The following FHIT variants were observed in gnomAD, a reference collection of about 807,000 sequenced individuals.
The protein encoded by FHIT is bis(5'-adenosyl)-triphosphatase.
Under a neutral mutation model 17.9 loss-of-function variants are expected in FHIT, and 19 were observed. That is an observed-to-expected ratio of 1.06 (90% CI 0.74 to 1.56). The LOEUF is 1.56. Ranked by LOEUF, FHIT falls within the 40% of genes most tolerant of loss-of-function variation. The pLI is 0.00. For missense variants in FHIT, 248 were observed against 189.2 expected (o/e 1.31, Z -1.82); for synonymous variants, 81 against 69.7 (o/e 1.16, Z -0.81).
intron 1 of FHIT, among the ~76,000 whole-genome samples, chr3:61,237,900 G>A (rs1026757636): frequency 1.8e-4 from 27 of 152,210 alleles, no homozygotes; most frequent in Non-Finnish European, 3.1e-4. Flanking sequence ...TCTCTCAAGG[G>A]TCCCTCTGTG....
rs142740504 is a variant in FHIT, at chr3:59,861,382, A to T, written c.348+60964T>A. 5.9e-5 allele frequency among the ~76,000 whole-genome samples: 9 copies of T among 152,306 alleles called. No homozygotes were observed. The East Asian group carries it at 1.7e-3, about 29-fold the overall frequency. On this transcript the variant is annotated intron_variant, in intron 8 of 9. Transcript: ENST00000492590. ...CTCAAGGCCAAACCCACTGGGGCCA[A>T]ACTCACACAGAAACATTTATTTTCA...
intron 4 of FHIT, among the ~76,000 whole-genome samples, chr3:60,770,535 G>A (rs1559708970): frequency 6.6e-6 from 1 of 152,186 alleles, no homozygotes; most frequent in Non-Finnish European, 1.5e-5. Context: ...AACAGGCTAT[G>A]TGTGGACATT....
intron 4 of FHIT, among the ~76,000 whole-genome samples, chr3:60,720,189 T>C (rs1393156272): frequency 6.6e-6 from 1 of 152,126 alleles, no homozygotes; most frequent in African/African-American, 2.4e-5. Flanking sequence ...TCCTTCCCGA[T>C]ACAGAATATT....
intron 2 of FHIT, among the ~76,000 whole-genome samples, chr3:61,134,059 A>G (rs965393622): frequency 1.4e-5 from 2 of 146,346 alleles, no homozygotes; most frequent in African/African-American, 5.1e-5. Flanking sequence ...ACTGCACTCC[A>G]GCCTGGGCGA....
At chr3:60,229,851 G>A (rs1026059509) in intron 5 of FHIT, among the ~76,000 whole-genome samples, 7 of 152,238 alleles carry the variant, frequency 4.6e-5, no homozygotes, top group Non-Finnish European at 8.8e-5. Flanking sequence ...GCATGGTGAT[G>A]CACGCCTATA....
intron 5 of FHIT, among the ~76,000 whole-genome samples, chr3:60,051,898 C>A (rs895816114): frequency 2.0e-5 from 3 of 152,152 alleles, no homozygotes; most frequent in African/African-American, 4.8e-5. Flanking sequence ...TACTGACCCA[C>A]TCTGTGAAAC....
intron 2 of FHIT, among the ~76,000 whole-genome samples, chr3:61,084,538 C>T (rs760106142): frequency 6.6e-6 from 1 of 152,146 alleles, no homozygotes; most frequent in South Asian, 2.1e-4. Context: ...TATATTAGGT[C>T]ATCTTTAATT....
At position 59,914,349 on chromosome 3, in the gene FHIT, T is replaced by A. The variant is rs556371357; in HGVS notation, c.348+7997A>T. Among the ~76,000 whole-genome samples the A allele has an allele frequency of 6.6e-5, 10 of 152,208 alleles. No homozygotes were observed. In the South Asian group the frequency reaches 2.1e-3, roughly 32 times the overall value. Reference sequence around the variant, plus strand: ...CCGCAGTGACAAAAATATAACCACATTTGAACACTCAAGCCGGGATTCTAA... The same window carrying A: ...CCGCAGTGACAAAAATATAACCACAATTGAACACTCAAGCCGGGATTCTAA... On this transcript the variant is annotated intron_variant, in intron 8 of 9. Coordinates refer to ENST00000492590, the MANE Select transcript of FHIT (RefSeq NM_002012.4).
intron 5 of FHIT, among the ~76,000 whole-genome samples, chr3:60,215,770 A>C (rs528167990): frequency 3.3e-5 from 5 of 152,190 alleles, no homozygotes; most frequent in African/African-American, 1.2e-4. Context: ...CTTATTCTAC[A>C]TAATTACTCT....
At chr3:61,123,554 A>G (rs1560000387) in intron 2 of FHIT, among the ~76,000 whole-genome samples, 2 of 84,360 alleles carry the variant, frequency 2.4e-5, no homozygotes, top group Non-Finnish European at 2.4e-5. Context: ...AATTGTATTA[A>G]GTGATAAGAT....
intron 4 of FHIT, among the ~76,000 whole-genome samples, chr3:60,770,731 T>C (rs968005531): frequency 6.6e-6 from 1 of 152,232 alleles, no homozygotes; most frequent in Admixed American, 6.5e-5. Context: ...GTCAACAGCA[T>C]GTCAATGGCT....
At chr3:60,843,949 T>A (rs1553745759) in intron 3 of FHIT, among the ~76,000 whole-genome samples, 2 of 152,150 alleles carry the variant, frequency 1.3e-5, no homozygotes, top group Non-Finnish European at 2.9e-5. Flanking sequence ...CAAGCACGCA[T>A]GTATGTATTT....
At chr3:61,095,320 A>G (rs1451497088) in intron 2 of FHIT, among the ~76,000 whole-genome samples, 1 of 152,106 alleles carries the variant, frequency 6.6e-6, no homozygotes, top group South Asian at 2.1e-4. Context: ...CCTCTGACAC[A>G]TTTCCCAGGG....
chr3:60,460,099 C>T (rs964360976), intron 5 of FHIT, among the ~76,000 whole-genome samples: 10 of 152,220 alleles, frequency 6.6e-5, no homozygotes, highest in Non-Finnish European at 1.3e-4. Flanking sequence ...TCGTAACTGG[C>T]ATATTCACAT....
At chr3:61,044,213 A>G (rs936849940) in intron 2 of FHIT, among the ~76,000 whole-genome samples, 9 of 152,208 alleles carry the variant, frequency 5.9e-5, no homozygotes, top group African/African-American at 2.2e-4. Flanking sequence ...CGAACCCATC[A>G]CAAAGAAGCT....
At chr3:60,545,106 T>A (rs1188396086) in intron 4 of FHIT, among the ~76,000 whole-genome samples, 1 of 151,914 alleles carries the variant, frequency 6.6e-6, no homozygotes, top group Non-Finnish European at 1.5e-5. Context: ...AAAGATTTTT[T>A]TTTTCTTGTA....
At chr3:60,690,793 C>G (rs186272645) in intron 4 of FHIT, 90 of 342,316 alleles carry the variant, frequency 2.6e-4, no homozygotes, top group African/African-American at 1.9e-3. Context: ...ACTTCAATTT[C>G]TCTCTCAGTT....
chr3:60,429,489 G>C (rs757784385), intron 5 of FHIT, among the ~76,000 whole-genome samples: 2 of 151,996 alleles, frequency 1.3e-5, no homozygotes, highest in African/African-American at 2.4e-5. Flanking sequence ...ACCCATGAGG[G>C]ATGGGAAAAC....
rs547283927 is a variant in FHIT at position 61,074,496 on chromosome 3, A to C, written c.-163-32397T>G. Among the ~76,000 whole-genome samples, 39 of 152,196 alleles carry C rather than the reference A, an allele frequency of 2.6e-4. 1 individual carries two copies. The highest frequency in any genetic ancestry group is 8.9e-4 in the African/African-American group (37 of 41,536). On this transcript the variant is annotated intron_variant, in intron 2 of 9. Coordinates refer to ENST00000492590, the MANE Select transcript of FHIT (RefSeq NM_002012.4). The stretch of plus-strand genomic sequence containing the variant: ...CTTTGTGTTTTAACATTTTAAAATT[A>C]TTTTCAACATTTGTAAATCGAGAGA...
Sources: allele counts gnomAD v4.1 joint callset (sites outside exome capture counted in the v4.1 genomes callset), GRCh38; gene constraint gnomAD v4.1.1; transcripts MANE v1.5; gene names NCBI Gene and HGNC (gene_info 2026-07-23, HGNC 2026-07-21).